Variants in ITK observed in about 807,000 individuals in gnomAD.
ITK encodes the protein IL2 inducible T cell kinase.
In ITK, 45 loss-of-function variants were observed where a neutral mutation model predicts 87.6. The ratio of observed to expected loss-of-function variants is 0.51; its 90% CI spans 0.40 to 0.66. ITK has a LOEUF of 0.66. Among genes scored for constraint, ITK ranks in the 30% least tolerant of loss-of-function variants. The probability of loss-of-function intolerance (pLI) is 0.00; values close to 1 mark genes in which losing one functional copy is unlikely to be tolerated. For missense variants in ITK, 605 were observed against 766.3 expected, an observed-to-expected ratio of 0.79 and a Z score of 2.48; for synonymous variants, 303 against 273.6, an observed-to-expected ratio of 1.11 and a Z score of -1.06.
chr5:157,211,485 G>T (rs1754191483), intron 3 of ITK, 117 bp downstream of exon 3: 1 of 924,018 alleles, frequency 1.1e-6, no homozygotes, highest in Admixed American at 1.9e-5. Flanking sequence ...TCTCTTTTGG[G>T]GTTGGTGGAA....
intron 1 of ITK, among the ~76,000 whole-genome samples, chr5:157,198,483 A>G (rs1238806647): frequency 6.6e-6 from 1 of 152,196 alleles, no homozygotes; most frequent in Non-Finnish European, 1.5e-5. Flanking sequence ...AAGCCAGCCA[A>G]CGGTGGGCCA....
intron 8 of ITK, among the ~76,000 whole-genome samples, chr5:157,234,436 GT>G (rs373621598): frequency 2.2e-4 from 33 of 152,224 alleles, no homozygotes; most frequent in African/African-American, 7.5e-4. Flanking sequence ...TTTGTGTGCT[GT>G]TTTTGAAACA....
At chr5:157,249,120 T>C in intron 16 of ITK, 113 bp downstream of exon 16, 2 of 895,056 alleles carry the variant, frequency 2.2e-6, no homozygotes, top group Non-Finnish European at 3.7e-6. Context: ...ATAACTAATA[T>C]AGATTAGCAA....
intron 2 of ITK, among the ~76,000 whole-genome samples, chr5:157,209,973 T>C (rs30131): frequency 0.22 from 33,812 of 150,872 alleles, 4,379 homozygotes; most frequent in Admixed American, 0.29. Context: ...TCACCCAGGC[T>C]GGAGTGCAGT....
At chr5:157,246,129 T>C in intron 15 of ITK, 130 bp downstream of exon 15, 1 of 776,480 alleles carries the variant, frequency 1.3e-6, no homozygotes, top group Non-Finnish European at 2.3e-6. Flanking sequence ...ACTGGAGGGT[T>C]GTGTAAGAAA....
chr5:157,208,085 C>T (rs1754118022), intron 1 of ITK, among the ~76,000 whole-genome samples: 1 of 152,186 alleles, frequency 6.6e-6, no homozygotes, highest in Non-Finnish European at 1.5e-5. Context: ...CTGTGAGAGG[C>T]TTCTTCCATC....
intron 8 of ITK, among the ~76,000 whole-genome samples, chr5:157,234,939 TA>T (rs920209433): frequency 1.3e-5 from 2 of 151,972 alleles, no homozygotes; most frequent in African/African-American, 2.4e-5. Flanking sequence ...ATAATAATAA[TA>T]AAAAAAGAGA....
intron 1 of ITK, among the ~76,000 whole-genome samples, chr5:157,207,257 C>T (rs1055429908): frequency 6.6e-6 from 1 of 151,870 alleles, no homozygotes; most frequent in African/African-American, 2.4e-5. Flanking sequence ...ATGGTGTCCA[C>T]CAACACTGAG....
Position 157,249,014 on chromosome 5 carries a change from G to A in ITK, c.1791+7G>A. ...GAATCACTGCTGGAAAGAGGTCAGT[G>A]GAGGAAGTGCTTCCCCATGCATTGT... is the stretch of plus-strand genomic sequence containing the variant. On this transcript the variant is annotated splice_region_variant and intron_variant, in intron 16 of 16. Transcript: ENST00000422843. 6.2e-7 allele frequency: 1 copy of A among 1,613,086 alleles called. No homozygotes were observed. Among genetic ancestry groups the A allele is most frequent in the Non-Finnish European group, 8.5e-7 (1 of 1,179,194 alleles).
chr5:157,184,378 C>T (rs1209410414), intron 1 of ITK, among the ~76,000 whole-genome samples: 1 of 152,136 alleles, frequency 6.6e-6, no homozygotes, highest in Non-Finnish European at 1.5e-5. Flanking sequence ...TAACAATTAG[C>T]TACCTCGGGC....
Position 157,255,091 on chromosome 5 carries a change from G to A in ITK, c.*2413G>A. The A allele has an allele frequency of 5.2e-6, 1 of 193,884 alleles. No individual in the cohort carries two copies. Among genetic ancestry groups the A allele is most frequent in the Non-Finnish European group, 1.1e-5 (1 of 93,000 alleles). The allele number at this position is 193,884 out of a possible 1,614,324, so 12.0% of individuals were successfully genotyped here. On this transcript the variant is annotated 3_prime_UTR_variant, in exon 17 of 17. Coordinates refer to ENST00000422843, the MANE Select transcript of ITK (RefSeq NM_005546.4). ...CACTGCTAGTGTTCAAAATAAAAATGTTACAAATACCTGTTATCCTTTGTA... is the reference window on the plus strand; with the variant it reads ...CACTGCTAGTGTTCAAAATAAAAATATTACAAATACCTGTTATCCTTTGTA...
intron 5 of ITK, among the ~76,000 whole-genome samples, chr5:157,218,520 A>G (rs200128814): frequency 8.5e-6 from 1 of 117,118 alleles, no homozygotes; most frequent in Non-Finnish European, 1.9e-5. Flanking sequence ...AGAAAAAAAA[A>G]AAAAAAAACA....
chr5:157,227,176 T>G (rs1463128227), intron 6 of ITK, among the ~76,000 whole-genome samples: 2 of 152,150 alleles, frequency 1.3e-5, no homozygotes, highest in African/African-American at 2.4e-5. Context: ...AAACTAGATT[T>G]TAAGTATAAT....
At chr5:157,233,932 C>CATACAT (rs1285827435) in intron 8 of ITK, among the ~76,000 whole-genome samples, 4 of 21,526 alleles carry the variant, frequency 1.9e-4, no homozygotes, top group Non-Finnish European at 3.1e-4. Context: ...CTTACTGATA[C>CATACAT]ATATATATAT....
At chr5:157,250,563 C>G (rs969145335) in intron 16 of ITK, among the ~76,000 whole-genome samples, 2 of 151,598 alleles carry the variant, frequency 1.3e-5, no homozygotes, top group African/African-American at 2.4e-5. Context: ...GTTACCCAGG[C>G]TGGAGTGCAG....
chr5:157,219,350 C>T (rs991717705), intron 5 of ITK, among the ~76,000 whole-genome samples: 2 of 152,056 alleles, frequency 1.3e-5, no homozygotes, highest in African/African-American at 4.8e-5. Context: ...TGTCCTCAGG[C>T]GATCAACCCA....
intron 8 of ITK, among the ~76,000 whole-genome samples, chr5:157,236,530 C>T (rs555932727): frequency 6.6e-6 from 1 of 152,244 alleles, no homozygotes; most frequent in East Asian, 1.9e-4. Context: ...TTTCTATATA[C>T]TTTGTTCCTT....
At chr5:157,241,521 T>C (rs1015598651) in intron 10 of ITK, 125 bp from the exon 11 acceptor site, 2 of 726,200 alleles carry the variant, frequency 2.8e-6, no homozygotes, top group Non-Finnish European at 5.0e-6. Context: ...GCTTTGGGAT[T>C]TGTTTTCCAG....
intron 1 of ITK, chr5:157,199,520 G>A (rs1753920941): frequency 6.6e-6 from 1 of 152,200 alleles, no homozygotes; most frequent in South Asian, 2.1e-4. Flanking sequence ...CCATGGCTTG[G>A]TGAAATGGGT....
Sources: gnomAD v4.1 joint callset for allele counts (sites outside exome capture counted in the v4.1 genomes callset) on GRCh38, gnomAD v4.1.1 for gene constraint, MANE v1.5 for transcripts, NCBI Gene and HGNC (gene_info 2026-07-23, HGNC 2026-07-21) for gene names.